NSF: variants seen among roughly 807,000 people sequenced by gnomAD.
NSF encodes the protein N-ethylmaleimide sensitive factor, vesicle fusing ATPase.
In NSF, 14 loss-of-function variants were observed where a neutral mutation model predicts 50.3. The observed-to-expected ratio is 0.28, with a 90% CI of 0.18 to 0.44. The LOEUF (loss-of-function observed/expected upper bound fraction) is 0.44. Ranked by LOEUF, NSF falls within the 20% of genes least tolerant of loss-of-function variation. The pLI is 1.00. For synonymous variants in NSF, 109 were observed against 175.7 expected (o/e 0.62, Z 3.00); for missense variants, 218 against 504.3 (o/e 0.43, Z 5.44).
At chr17:46,595,885 G>A (rs1403537232) in intron 1 of NSF, among the ~76,000 whole-genome samples, 2 of 140,096 alleles carry the variant, frequency 1.4e-5, no homozygotes, top group Non-Finnish European at 3.0e-5. Context: ...TCCACTCCCT[G>A]CCTCCTTGTG....
At chr17:46,755,722 A>ATT (rs71138549) in intron 20 of NSF, 80 bp from the exon 21 acceptor site, 1,613 of 1,044,928 alleles carry the variant, frequency 1.5e-3, no homozygotes, top group African/African-American at 3.0e-3. Context: ...GCTTTTAGTG[A>ATT]TTTTTTTTTT....
chr17:46,729,033 T>A (rs2058921886), intron 17 of NSF, 99 bp downstream of exon 17: 3 of 747,074 alleles, frequency 4.0e-6, no homozygotes, highest in Non-Finnish European at 4.2e-6. Flanking sequence ...ATCATAAACA[T>A]AAAATTCTGT....
chr17:46,690,528 C>A (rs1359979870), intron 9 of NSF, among the ~76,000 whole-genome samples: 1 of 65,672 alleles, frequency 1.5e-5, no homozygotes, highest in Non-Finnish European at 2.8e-5. Context: ...AGGAGAATGG[C>A]GTGAACCCGG....
At position 46,713,987 on chromosome 17, in the gene NSF, G is replaced by T. The variant is rs1220064850; in HGVS notation, c.1761+1G>T. The T allele has an allele frequency of 3.8e-6, 6 of 1,596,748 alleles. No individual in the cohort carries two copies. Among genetic ancestry groups the T allele is most frequent in the South Asian group, 1.1e-5 (1 of 87,484 alleles). On this transcript the variant is annotated splice_donor_variant, in intron 15 of 20. Transcript: ENST00000398238. LOFTEE classifies it high-confidence loss of function. ...AGCCAAATGTCAGGCCATGAAGAAGGTATCAAGATTTTACTTTCATTTTAA... is the reference window on the plus strand; with the variant it reads ...AGCCAAATGTCAGGCCATGAAGAAGTTATCAAGATTTTACTTTCATTTTAA...
Position 46,721,817 on chromosome 17 carries a change from G to A in NSF, c.1762-4732G>A. ...CACAGCTGTCAGAGTACGGCTCCTG[G>A]GACACTTTTGCTTATTTTTTGTACG... On this transcript the variant is annotated intron_variant, in intron 15 of 20. Transcript: ENST00000398238. 5.6e-6 allele frequency: 9 copies of A among 1,598,346 alleles called. No homozygotes were observed. The South Asian group carries it at 9.9e-5, about 18-fold the overall frequency.
intron 17 of NSF, among the ~76,000 whole-genome samples, chr17:46,731,901 A>G (rs1161690734): frequency 1.3e-5 from 2 of 152,216 alleles, no homozygotes; most frequent in Admixed American, 6.5e-5. Context: ...GTGCTTTGTC[A>G]TACCACCTTG....
At chr17:46,752,940 TG>T (rs1382340583) in intron 19 of NSF, among the ~76,000 whole-genome samples, 1 of 152,108 alleles carries the variant, frequency 6.6e-6, no homozygotes, top group African/African-American at 2.4e-5. Flanking sequence ...GCTAATTTTT[TG>T]TATTTTTAGT....
rs546145251 is a variant in NSF at position 46,719,243 on chromosome 17, A to G, written c.1761+5257A>G. Among the ~76,000 whole-genome samples the G allele has an allele frequency of 1.3e-5, 2 of 152,332 alleles. No individual in the cohort carries two copies. Among genetic ancestry groups the G allele is most frequent in the Admixed American group, 6.5e-5 (1 of 15,304 alleles). On this transcript the variant is annotated intron_variant, in intron 15 of 20. Transcript: ENST00000398238. This position sits in a 1 kb window ranked among gnomAD's most constrained non-coding sequence, Gnocchi z 4.3. ...AAACTGAAAAATATGTAACACATTAATTTTTGTTAAAGATGTGTGGTCTGA... is the reference window on the plus strand; with the variant it reads ...AAACTGAAAAATATGTAACACATTAGTTTTTGTTAAAGATGTGTGGTCTGA...
Position 46,713,926 on chromosome 17 carries a change from C to A in NSF, c.1701C>A (p.Ile567=). ...AEESNFPFIK[I]CSPDKMIGFS... is the part of the protein sequence containing the mutation. ...AATCCAACTTCCCGTTCATCAAGAT[C>A]TGTTCTCCTGATAAAATGATTGGCT... Residue 567 remains isoleucine (I), a synonymous_variant, in exon 15 of 21, where the codon ATC becomes ATA. Coordinates refer to ENST00000398238, the MANE Select transcript of NSF (RefSeq NM_006178.4). The A allele has an allele frequency of 1.2e-6, 2 of 1,611,682 alleles. No homozygotes were observed. The highest frequency in any genetic ancestry group is 1.7e-6 in the Non-Finnish European group (2 of 1,179,432).
chr17:46,732,770 T>G (rs748258160), intron 17 of NSF, among the ~76,000 whole-genome samples: 10 of 152,182 alleles, frequency 6.6e-5, no homozygotes, highest in Non-Finnish European at 1.3e-4. Flanking sequence ...CAATCAAGTT[T>G]CCCTGTGTTC....
intron 15 of NSF, 43 bp downstream of exon 15, chr17:46,714,029 T>A: frequency 6.6e-7 from 1 of 1,507,366 alleles, no homozygotes; most frequent in Non-Finnish European, 9.0e-7. Flanking sequence ...ATCTCTTAAA[T>A]GTGTGTGTGT....
intron 15 of NSF, among the ~76,000 whole-genome samples, chr17:46,724,287 A>C (rs2058864323): frequency 6.6e-6 from 1 of 152,234 alleles, no homozygotes; most frequent in South Asian, 2.1e-4. Context: ...GGACAACCCG[A>C]AAATCTCAGT....
chr17:46,599,131 A>C (rs924765187), intron 1 of NSF, among the ~76,000 whole-genome samples: 1 of 31,496 alleles, frequency 3.2e-5, no homozygotes, highest in Non-Finnish European at 5.6e-5. Context: ...TTATCTTACC[A>C]TTGAAAATTT....
chr17:46,734,469 A>G (rs2058980550), intron 17 of NSF, among the ~76,000 whole-genome samples: 1 of 151,914 alleles, frequency 6.6e-6, no homozygotes, highest in South Asian at 2.1e-4. Flanking sequence ...TACTATATTT[A>G]TAATACTCTC....
intron 8 of NSF, among the ~76,000 whole-genome samples, chr17:46,649,712 ATC>A (rs2146176542): frequency 7.5e-6 from 1 of 134,050 alleles, no homozygotes; most frequent in African/African-American, 3.1e-5. Context: ...TGGAGCAGGA[ATC>A]TCTGTCTCAA....
intron 17 of NSF, among the ~76,000 whole-genome samples, chr17:46,738,656 G>C (rs1473163886): frequency 6.6e-6 from 1 of 152,124 alleles, no homozygotes; most frequent in Non-Finnish European, 1.5e-5. Flanking sequence ...TCTTTTTTTA[G>C]TGGTTTTGCT....
At chr17:46,727,419 TA>T (rs1195892657) in intron 16 of NSF, among the ~76,000 whole-genome samples, 1 of 152,202 alleles carries the variant, frequency 6.6e-6, no homozygotes, top group Non-Finnish European at 1.5e-5. Flanking sequence ...CCTGGTGACT[TA>T]ATAACATCTG....
At chr17:46,747,814 G>C (rs1404268166) in intron 17 of NSF, among the ~76,000 whole-genome samples, 1 of 152,164 alleles carries the variant, frequency 6.6e-6, no homozygotes, top group African/African-American at 2.4e-5. Flanking sequence ...TTCCCAGTGG[G>C]TGATACAGAG....
At chr17:46,726,309 A>T (rs1170258804) in intron 15 of NSF, among the ~76,000 whole-genome samples, 1 of 152,216 alleles carries the variant, frequency 6.6e-6, no homozygotes, top group Non-Finnish European at 1.5e-5. Flanking sequence ...CAGTTGATTA[A>T]TGATCAGCTA....
Sources: allele counts gnomAD v4.1 joint callset (sites outside exome capture counted in the v4.1 genomes callset), GRCh38; gene constraint gnomAD v4.1.1; non-coding constraint Gnocchi (gnomAD v3.1); transcripts MANE v1.5; gene names NCBI Gene and HGNC (gene_info 2026-07-23, HGNC 2026-07-21).